The following FOXP1 variants were observed in gnomAD, a reference collection of about 807,000 sequenced individuals.
FOXP1 encodes the protein forkhead box P1, also known as forkhead box protein P1.
FOXP1 carries 15 observed loss-of-function variants against 98.2 expected under a neutral mutation model. The ratio of observed to expected loss-of-function variants is 0.15; its 90% CI spans 0.10 to 0.24. The LOEUF (loss-of-function observed/expected upper bound fraction) is 0.24, where lower values mean the gene tolerates loss of function less well. FOXP1 is among the 10% of genes least tolerant of loss of function. The pLI, the probability that FOXP1 is intolerant of heterozygous loss-of-function variation, is 1.00. For missense variants in FOXP1, 633 were observed against 848.5 expected (o/e 0.75, Z 3.15); for synonymous variants, 371 against 314.5 (o/e 1.18, Z -1.90).
intron 2 of FOXP1, among the ~76,000 whole-genome samples, chr3:71,515,510 A>G (rs1321082575): frequency 6.7e-6 from 1 of 150,088 alleles, no homozygotes; most frequent in Non-Finnish European, 1.5e-5. Context: ...CTTGCAGGGT[A>G]ACAGTCATTT....
chr3:71,134,961 A>G, intron 6 of FOXP1, among the ~76,000 whole-genome samples: 1 of 150,916 alleles, frequency 6.6e-6, no homozygotes, highest in South Asian at 2.1e-4. Flanking sequence ...ACCTTCTTCT[A>G]AAAGTTATAA....
intron 3 of FOXP1, among the ~76,000 whole-genome samples, chr3:71,366,252 G>C (rs1268054574): frequency 1.3e-5 from 2 of 152,082 alleles, no homozygotes; most frequent in African/African-American, 4.8e-5. Flanking sequence ...TGTAAAAGAT[G>C]ATTTGAGACA....
chr3:70,973,244 G>GCCCCCA (rs747949694), intron 17 of FOXP1, among the ~76,000 whole-genome samples: 23 of 58,994 alleles, frequency 3.9e-4, no homozygotes, highest in Non-Finnish European at 7.9e-4. Context: ...CCCCGCCCCC[G>GCCCCCA]CCCCGCCCCG....
intron 3 of FOXP1, among the ~76,000 whole-genome samples, chr3:71,389,843 ATGTTGGCATTCTGT>A: frequency 6.6e-6 from 1 of 151,950 alleles, no homozygotes; most frequent in Non-Finnish European, 1.5e-5. Context: ...CAGCTGTTAA[ATGTTGGCATTCTGT>A]CTTTAAAAAA....
At chr3:71,209,678 T>C (rs2064308803) in intron 5 of FOXP1, among the ~76,000 whole-genome samples, 1 of 152,184 alleles carries the variant, frequency 6.6e-6, no homozygotes, top group African/African-American at 2.4e-5. Flanking sequence ...GAAGAAACGT[T>C]TAATCTCTAA....
At chr3:71,545,338 C>A (rs559726966) in intron 2 of FOXP1, among the ~76,000 whole-genome samples, 1 of 152,256 alleles carries the variant, frequency 6.6e-6, no homozygotes, top group African/African-American at 2.4e-5. Context: ...GTTAGAATTT[C>A]CCAAATCTGA....
At chr3:71,422,420 G>A (rs1354749700) in intron 3 of FOXP1, among the ~76,000 whole-genome samples, 1 of 152,186 alleles carries the variant, frequency 6.6e-6, no homozygotes, top group African/African-American at 2.4e-5. Flanking sequence ...CTGAGACCCT[G>A]CATTTCTAAT....
At chr3:71,010,200 A>ACTTT (rs947788430) in intron 12 of FOXP1, among the ~76,000 whole-genome samples, 2 of 152,030 alleles carry the variant, frequency 1.3e-5, no homozygotes, top group Admixed American at 6.6e-5. Context: ...TTTCTCCAAA[A>ACTTT]CTTTCTTTAC....
intron 6 of FOXP1, among the ~76,000 whole-genome samples, chr3:71,196,945 G>A (rs371952463): frequency 9.9e-5 from 15 of 152,062 alleles, no homozygotes; most frequent in East Asian, 5.8e-4. Flanking sequence ...CCTTTCTTTC[G>A]CTTTGTTGCA....
At chr3:71,406,421 A>G (rs1278622013) in intron 3 of FOXP1, among the ~76,000 whole-genome samples, 1 of 144,318 alleles carries the variant, frequency 6.9e-6, no homozygotes, top group African/African-American at 2.5e-5. Context: ...ATATATATAT[A>G]TATGGTACAG....
chr3:71,147,046 T>C (rs2108037629), intron 6 of FOXP1, among the ~76,000 whole-genome samples: 1 of 152,346 alleles, frequency 6.6e-6, no homozygotes, highest in Non-Finnish European at 1.5e-5. Context: ...TTACTCTGGA[T>C]GCCTAAATTA....
intron 3 of FOXP1, among the ~76,000 whole-genome samples, chr3:71,477,164 C>T (rs980483370): frequency 2.6e-5 from 4 of 152,172 alleles, no homozygotes; most frequent in South Asian, 2.1e-4. Context: ...TGTGACACAG[C>T]GCCCCCCAGA....
At chr3:71,396,933 T>TACAC (rs1553871310) in intron 3 of FOXP1, among the ~76,000 whole-genome samples, 1 of 44,640 alleles carries the variant, frequency 2.2e-5, no homozygotes, top group Admixed American at 2.1e-4. Flanking sequence ...TATATATATA[T>TACAC]ACACATATAT....
intron 2 of FOXP1, among the ~76,000 whole-genome samples, chr3:71,532,656 G>T (rs867267343): frequency 1.3e-5 from 2 of 152,202 alleles, no homozygotes; most frequent in Non-Finnish European, 2.9e-5. Flanking sequence ...CAACTGTGCA[G>T]ACAGGAGATG....
At position 70,958,196 on chromosome 3, in the gene FOXP1, C is replaced by CAAAAA; in HGVS notation, c.*1046_*1050dup. 1.9e-5 allele frequency: 6 copies of CAAAAA among 315,992 alleles called. No individual in the cohort carries two copies. The highest frequency in any genetic ancestry group is 3.1e-5 in the South Asian group (1 of 32,720). 19.6% of individuals were successfully genotyped at this position (315,992 alleles called of 1,614,324 possible). A position where few individuals can be genotyped will look rare whatever the true frequency, so the allele number is the denominator to read the frequency against. On this transcript the variant is annotated 3_prime_UTR_variant, in exon 21 of 21. Coordinates refer to ENST00000649528, the MANE Select transcript of FOXP1 (RefSeq NM_001349338.3). ...TGGTGGCATTTATTAATGGTTGCTG[C>CAAAAA]AAAAAAAAAAAAAGAAAAGAAAAGA... is the stretch of plus-strand genomic sequence containing the variant.
At chr3:71,234,189 A>G (rs2066580300) in intron 5 of FOXP1, among the ~76,000 whole-genome samples, 1 of 152,162 alleles carries the variant, frequency 6.6e-6, no homozygotes, top group Admixed American at 6.5e-5. Context: ...AGTTTAAAGC[A>G]TTAAATCAAA....
intron 2 of FOXP1, among the ~76,000 whole-genome samples, chr3:71,569,244 G>C (rs913980046): frequency 6.6e-6 from 1 of 152,210 alleles, no homozygotes; most frequent in Non-Finnish European, 1.5e-5. Context: ...ACCTCAAGGA[G>C]CTGAGAGTCT....
intron 3 of FOXP1, among the ~76,000 whole-genome samples, chr3:71,376,157 G>T (rs2079695970): frequency 6.6e-6 from 1 of 152,090 alleles, no homozygotes; most frequent in African/African-American, 2.4e-5. Flanking sequence ...CCATAATAAT[G>T]TAACAAAACA....
In FOXP1 at chr3:71,314,723, C is replaced by G. The variant is rs923203827; in HGVS notation, c.-72-14843G>C. ...GGGGTCTCACCTACCTCAGTGGAGG[C>G]AAGTCATTAGTTACAAAAAAGCTAC... On this transcript the variant is annotated intron_variant, in intron 4 of 20. Coordinates refer to ENST00000649528, the MANE Select transcript of FOXP1 (RefSeq NM_001349338.3). 8.6e-5 allele frequency among the ~76,000 whole-genome samples: 13 copies of G among 151,910 alleles called. 2 individuals are homozygous for G. The highest frequency in any genetic ancestry group is 7.9e-4 in the Admixed American group (12 of 15,256).
Sources: allele counts gnomAD v4.1 joint callset (sites outside exome capture counted in the v4.1 genomes callset), GRCh38; gene constraint gnomAD v4.1.1; transcripts MANE v1.5; gene names NCBI Gene and HGNC (gene_info 2026-07-23, HGNC 2026-07-21).